AP2A1: variants seen among roughly 807,000 people sequenced by gnomAD.
The protein encoded by AP2A1 is adaptor related protein complex 2 subunit alpha 1.
Under a neutral mutation model 107.3 loss-of-function variants are expected in AP2A1, and 21 were observed. The observed-to-expected ratio is 0.20, with a 90% CI of 0.14 to 0.28. AP2A1 has a LOEUF of 0.28. Among genes scored for constraint, AP2A1 ranks in the 10% least tolerant of loss-of-function variants. The pLI is 1.00. For missense variants in AP2A1, 873 were observed against 1,307.7 expected (o/e 0.67, Z 5.13); for synonymous variants, 602 against 564.8 (o/e 1.07, Z -0.93).
intron 5 of AP2A1, 98 bp downstream of exon 5, chr19:49,792,162 C>T (rs2073152080): frequency 7.4e-7 from 1 of 1,349,538 alleles, no homozygotes; most frequent in African/African-American, 1.5e-5. Flanking sequence ...CCTCACACCC[C>T]CGGATACCCA....
At chr19:49,787,932 A>T (rs1356413945) in intron 4 of AP2A1, among the ~76,000 whole-genome samples, 1 of 152,082 alleles carries the variant, frequency 6.6e-6, no homozygotes, top group African/African-American at 2.4e-5. Context: ...TTTCAGGTTC[A>T]TCCACATTGT....
Position 49,801,800 on chromosome 19 carries a change from C to T in AP2A1, c.1864C>T (p.Pro622Ser). The change falls in exon 14 of 23, where the codon CCA becomes TCA. Residue 622 changes from proline to serine, a missense_variant. Physicochemically the swap from Pro to Ser is moderately conservative, Grantham distance 74 (BLOSUM62 -1). Coordinates refer to ENST00000354293, the MANE Select transcript of AP2A1 (RefSeq NM_130787.3). Reference sequence around the variant, plus strand: ...GGCCAAGCTGAAACGCAAGAAGGGGCCAGGGGCCGGCAGCGCCCTGGACGA... The same window carrying T: ...GGCCAAGCTGAAACGCAAGAAGGGGTCAGGGGCCGGCAGCGCCCTGGACGA... Reference protein sequence around the residue: ...ILAKLKRKKGPGAGSALDDGR... With the variant: ...ILAKLKRKKGSGAGSALDDGR... The T allele has an allele frequency of 6.4e-7, 1 of 1,560,660 alleles. No homozygotes were observed. Among genetic ancestry groups the T allele is most frequent in the Non-Finnish European group, 8.6e-7 (1 of 1,156,352 alleles).
At position 49,803,025 on chromosome 19, in the gene AP2A1, G is replaced by A. The variant is rs1159145559; in HGVS notation, c.2171+20G>A. ...GAATAAGTGAGTCCTGGGAGTGGTGGGGGAGGGGAACGGGACAGGTGCGGA... is the reference window on the plus strand; with the variant it reads ...GAATAAGTGAGTCCTGGGAGTGGTGAGGGAGGGGAACGGGACAGGTGCGGA... On this transcript the variant is annotated intron_variant, in intron 16 of 22. Transcript: ENST00000354293. The A allele has an allele frequency of 1.9e-6, 3 of 1,613,700 alleles. No homozygotes were observed. The highest frequency in any genetic ancestry group is 1.3e-5 in the African/African-American group (1 of 74,914).
At chr19:49,771,262 G>A (rs1400796865) in intron 1 of AP2A1, among the ~76,000 whole-genome samples, 2 of 138,740 alleles carry the variant, frequency 1.4e-5, no homozygotes, top group Non-Finnish European at 3.0e-5. Context: ...GAACCCAGGA[G>A]TTCGAATCCA....
At chr19:49,805,846 C>T (rs768487348) in intron 20 of AP2A1, 26 bp from the exon 21 acceptor site, 3 of 1,613,386 alleles carry the variant, frequency 1.9e-6, no homozygotes, top group South Asian at 1.1e-5. Context: ...GTCCAGGTCC[C>T]TGACTTGAAC....
In AP2A1 at chr19:49,801,072, A is replaced by C. The variant is rs754140913; in HGVS notation, c.1553+14A>C. ...CCCCCGCTCCAGGTGAGGGAGCCTC[A>C]GCCTGCAGGGGAGAACACACATGCT... is the stretch of plus-strand genomic sequence containing the variant. On this transcript the variant is annotated intron_variant, in intron 12 of 22. Transcript: ENST00000354293. 7.5e-6 allele frequency: 12 copies of C among 1,590,640 alleles called. No individual in the cohort carries two copies. In the East Asian group the frequency reaches 2.5e-4, roughly 33 times the overall value.
At chr19:49,793,422 C>T (rs1377448156) in intron 6 of AP2A1, among the ~76,000 whole-genome samples, 1 of 152,178 alleles carries the variant, frequency 6.6e-6, no homozygotes, top group Non-Finnish European at 1.5e-5. Flanking sequence ...GACCTCCTCC[C>T]TCTCCCACTT....
chr19:49,800,746 C>T (rs1165139260), intron 11 of AP2A1: 2 of 487,594 alleles, frequency 4.1e-6, no homozygotes, highest in Non-Finnish European at 7.3e-6. Flanking sequence ...ACCAGGATTA[C>T]AGGCATGAGC....
At chr19:49,772,564 C>T (rs1352596768) in intron 1 of AP2A1, among the ~76,000 whole-genome samples, 6 of 151,224 alleles carry the variant, frequency 4.0e-5, no homozygotes, top group African/African-American at 1.2e-4. Flanking sequence ...GGTGCGATCT[C>T]GGCTCACTGC....
rs762300764 is a variant in AP2A1 at position 49,792,027 on chromosome 19, C to T, written c.566C>T (p.Thr189Met). The change falls in exon 5 of 23, where the codon ACG becomes ATG. Residue 189 changes from threonine to methionine, a missense_variant. Physicochemically the swap from Thr to Met is moderately conservative, Grantham distance 81. This residue lies in a region of AP2A1 where 157 missense variants were observed against 212.6 expected (regional missense o/e 0.74). Coordinates refer to ENST00000354293, the MANE Select transcript of AP2A1 (RefSeq NM_130787.3). ...SPDLVPMGEW[T>M]ARVVHLLNDQ... ...GACCTGGTGCCCATGGGCGAGTGGA[C>T]GGCGCGTGTGGTACACCTGCTCAAT... 5 of 1,612,716 alleles carry T rather than the reference C, an allele frequency of 3.1e-6. No homozygotes were observed. The highest frequency in any genetic ancestry group is 4.2e-6 in the Non-Finnish European group (5 of 1,179,490).
chr19:49,771,472 G>T (rs779552504), intron 1 of AP2A1, among the ~76,000 whole-genome samples: 1 of 151,278 alleles, frequency 6.6e-6, no homozygotes, highest in Non-Finnish European at 1.5e-5. Flanking sequence ...AAAATGGCGC[G>T]ATCTTGGCTC....
At chr19:49,767,387 C>T (rs1293802022) in intron 1 of AP2A1, among the ~76,000 whole-genome samples, 187 bp downstream of exon 1, 1 of 152,012 alleles carries the variant, frequency 6.6e-6, no homozygotes, top group Non-Finnish European at 1.5e-5. Context: ...CATAGAGTGC[C>T]TCTTGAGGTG....
At position 49,788,425 on chromosome 19, in the gene AP2A1, T is replaced by G. The variant is rs924308765; in HGVS notation, c.474-3510T>G. ...TAGAATCCGCGTCCTTAGAGGGCTG[T>G]GGTGGGGAGCGAGCGAGCTGTGCGG... On this transcript the variant is annotated intron_variant, in intron 4 of 22. Coordinates refer to ENST00000354293, the MANE Select transcript of AP2A1 (RefSeq NM_130787.3). The surrounding 1 kb of genome is among the most constrained non-coding windows in gnomAD (Gnocchi z 4.5). Among the ~76,000 whole-genome samples the G allele has an allele frequency of 1.5e-4, 23 of 152,168 alleles. 1 individual carries two copies. The highest frequency in any genetic ancestry group is 5.9e-5 in the Non-Finnish European group (4 of 68,028).
At chr19:49,802,202 C>T (rs2073292478) in intron 15 of AP2A1, 61 bp downstream of exon 15, 18 of 1,385,132 alleles carry the variant, frequency 1.3e-5, no homozygotes, top group Non-Finnish European at 1.6e-5. Context: ...CCCTTCTCGG[C>T]CTCTGTCCCC....
intron 18 of AP2A1, 61 bp from the exon 19 acceptor site, chr19:49,805,392 T>A: frequency 6.8e-7 from 1 of 1,469,826 alleles, no homozygotes; most frequent in Non-Finnish European, 9.1e-7. Flanking sequence ...CTGGGGTTCC[T>A]GACCCAGACC....
At chr19:49,792,929 G>A in intron 5 of AP2A1, 62 bp from the exon 6 acceptor site, 2 of 1,415,184 alleles carry the variant, frequency 1.4e-6, no homozygotes, top group African/African-American at 2.8e-5. Context: ...CCGCTCCTGA[G>A]CCTCTGCTCT....
At chr19:49,794,773 C>T (rs1163279693) in intron 6 of AP2A1, among the ~76,000 whole-genome samples, 1 of 152,084 alleles carries the variant, frequency 6.6e-6, no homozygotes, top group African/African-American at 2.4e-5. Context: ...AGCAATTCTC[C>T]TGCCTCAGCC....
rs371913894 is a variant in AP2A1, at chr19:49,771,004, AC to A, written c.67+3806del. ...GTAGCTGGGATTACAGGCGTGTGCC[AC>A]CACACCTGGCTAATTTTTGTACTTT... On this transcript the variant is annotated intron_variant, in intron 1 of 22. Coordinates refer to ENST00000354293, the MANE Select transcript of AP2A1 (RefSeq NM_130787.3). Among the ~76,000 whole-genome samples the A allele has an allele frequency of 8.5e-5, 13 of 152,078 alleles. No individual in the cohort carries two copies. In the East Asian group the frequency reaches 1.4e-3, roughly 16 times the overall value.
intron 5 of AP2A1, 99 bp downstream of exon 5, chr19:49,792,163 C>T (rs540608090): frequency 1.9e-5 from 25 of 1,318,904 alleles, no homozygotes; most frequent in Middle Eastern, 5.3e-4. Context: ...CTCACACCCC[C>T]GGATACCCAG....
Sources: gnomAD v4.1 joint callset for allele counts (sites outside exome capture counted in the v4.1 genomes callset) on GRCh38, gnomAD v4.1.1 for gene constraint, gnomAD v4.1.1 regional missense constraint, Gnocchi (gnomAD v3.1) non-coding constraint, MANE v1.5 for transcripts, NCBI Gene and HGNC (gene_info 2026-07-23, HGNC 2026-07-21) for gene names.